The following CACNB4 variants were observed in gnomAD, a reference collection of about 807,000 sequenced individuals.
CACNB4 encodes voltage-dependent L-type calcium channel subunit beta-4.
Under a neutral mutation model 71.2 loss-of-function variants are expected in CACNB4, and 32 were observed. The observed-to-expected ratio is 0.45, with a 90% confidence interval of 0.34 to 0.60. The LOEUF is 0.60. Ranked by LOEUF, CACNB4 falls within the 20% of genes least tolerant of loss-of-function variation. The pLI, the probability that CACNB4 is intolerant of heterozygous loss-of-function variation, is 0.01. For synonymous variants in CACNB4, 231 were observed against 236.9 expected (o/e 0.97, Z 0.23); for missense variants, 464 against 647.9 (o/e 0.72, Z 3.08).
At chr2:152,030,081 G>A (rs1198835723) in intron 2 of CACNB4, among the ~76,000 whole-genome samples, 1 of 151,920 alleles carries the variant, frequency 6.6e-6, no homozygotes, top group Non-Finnish European at 1.5e-5. Context: ...TTTTCTTTTT[G>A]AGGCAATTGT....
In CACNB4 at chr2:152,098,314, C is replaced by A; in HGVS notation, c.147+16G>T. The A allele has an allele frequency of 6.2e-7, 1 of 1,606,776 alleles. No individual in the cohort carries two copies. Among genetic ancestry groups the A allele is most frequent in the Non-Finnish European group, 8.5e-7 (1 of 1,173,466 alleles). On this transcript the variant is annotated intron_variant, in intron 2 of 13. Coordinates refer to ENST00000539935, the MANE Select transcript of CACNB4 (RefSeq NM_000726.5). The surrounding 1 kb of genome is among the most constrained non-coding windows in gnomAD (Gnocchi z 5.3). Reference sequence around the variant, plus strand: ...CGGCCTCCTCCCCATCCTGGTCTCCCGCCTCCTTCTCATACCTGTCTGAGG... The same window carrying A: ...CGGCCTCCTCCCCATCCTGGTCTCCAGCCTCCTTCTCATACCTGTCTGAGG...
intron 2 of CACNB4, among the ~76,000 whole-genome samples, chr2:152,035,484 C>T (rs560496358): frequency 4.3e-4 from 66 of 152,202 alleles, no homozygotes; most frequent in Non-Finnish European, 1.2e-4. Flanking sequence ...CGCTTGAACC[C>T]GGGAGGCGGA....
At chr2:151,876,044 C>T (rs191846013) in intron 5 of CACNB4, among the ~76,000 whole-genome samples, 59 of 151,960 alleles carry the variant, frequency 3.9e-4, no homozygotes, top group African/African-American at 1.2e-3. Flanking sequence ...CCAGTAGGGG[C>T]GATACCATCA....
intron 2 of CACNB4, among the ~76,000 whole-genome samples, chr2:151,888,698 G>A (rs2099849984): frequency 6.6e-6 from 1 of 152,230 alleles, no homozygotes; most frequent in East Asian, 1.9e-4. Context: ...ACAGAACGCT[G>A]AGCATCAGTC....
At chr2:151,853,424 A>T in intron 12 of CACNB4, 24 bp downstream of exon 12, 1 of 1,447,062 alleles carries the variant, frequency 6.9e-7, no homozygotes, top group Non-Finnish European at 9.5e-7. Flanking sequence ...AAGAATGATG[A>T]AGACAAAAAA....
At chr2:152,024,911 C>T (rs2105147922) in intron 2 of CACNB4, among the ~76,000 whole-genome samples, 2 of 152,266 alleles carry the variant, frequency 1.3e-5, no homozygotes, top group African/African-American at 4.8e-5. Context: ...CAAAAATTAG[C>T]CAGGCGTGGT....
rs933134886 is a variant in CACNB4, at chr2:152,071,052, C to T, written c.147+27278G>A. 1.7e-4 allele frequency among the ~76,000 whole-genome samples: 26 copies of T among 152,372 alleles called. No homozygotes were observed. The East Asian group carries it at 2.7e-3, about 16-fold the overall frequency. ...GAGTGCTGAGATTACAGGCGTGAGCCACTGCACTCAGCCAACTTATATTCA... is the reference window on the plus strand; with the variant it reads ...GAGTGCTGAGATTACAGGCGTGAGCTACTGCACTCAGCCAACTTATATTCA... On this transcript the variant is annotated intron_variant, in intron 2 of 13. Transcript: ENST00000539935.
intron 2 of CACNB4, among the ~76,000 whole-genome samples, chr2:151,942,401 C>T (rs1007422659): frequency 6.7e-6 from 1 of 149,240 alleles, no homozygotes; most frequent in African/African-American, 2.6e-5. Flanking sequence ...TGAGGATGTA[C>T]ATCACCTCAG....
At chr2:151,940,628 T>A (rs994215744) in intron 2 of CACNB4, among the ~76,000 whole-genome samples, 32 of 152,198 alleles carry the variant, frequency 2.1e-4, no homozygotes, top group African/African-American at 7.7e-4. Flanking sequence ...ATTTATCCTA[T>A]CGGAACTTCA....
intron 12 of CACNB4, among the ~76,000 whole-genome samples, chr2:151,847,472 C>A (rs930535825): frequency 1.3e-5 from 2 of 152,314 alleles, no homozygotes; most frequent in East Asian, 3.9e-4. Context: ...TAAAAATAAT[C>A]AACCCAATGG....
intron 2 of CACNB4, among the ~76,000 whole-genome samples, chr2:151,941,572 G>T (rs773803324): frequency 6.6e-6 from 1 of 151,284 alleles, no homozygotes; most frequent in African/African-American, 2.4e-5. Flanking sequence ...ATGAGCCACC[G>T]TGCCCAACTT....
At chr2:151,966,319 A>G (rs1329296218) in intron 2 of CACNB4, among the ~76,000 whole-genome samples, 1 of 151,908 alleles carries the variant, frequency 6.6e-6, no homozygotes, top group African/African-American at 2.4e-5. Flanking sequence ...TGCTTTTGTC[A>G]CCCAGGCTGG....
rs542568459 is a variant in CACNB4 at position 151,839,205 on chromosome 2, G to A, written c.1477C>T (p.Pro493Ser). Residue 493 changes from proline to serine, a missense_variant, in exon 14 of 14, where the codon CCT becomes TCT. By Grantham distance (74) the Pro-to-Ser change is moderately conservative. This residue lies in a region of CACNB4 where 115 missense variants were observed against 128.8 expected (regional missense o/e 0.89). Coordinates refer to ENST00000539935, the MANE Select transcript of CACNB4 (RefSeq NM_000726.5). ...DHYPLVEEDYPDSYQDTYKPH... is the reference protein window; with the variant it reads ...DHYPLVEEDYSDSYQDTYKPH... ...TTGTAAGTGTCCTGGTATGAGTCAG[G>A]GTAATCTTCTTCCACAAGAGGGTAA... 1.3e-5 allele frequency: 21 copies of A among 1,613,542 alleles called. No homozygotes were observed. In the South Asian group the frequency reaches 1.9e-4, roughly 14 times the overall value.
Position 151,870,872 on chromosome 2 carries a change from A to G in CACNB4, c.599-11T>C, listed in dbSNP as rs1198464513. 2.5e-6 allele frequency: 4 copies of G among 1,594,210 alleles called. No homozygotes were observed. Among genetic ancestry groups the G allele is most frequent in the Middle Eastern group, 1.7e-4 (1 of 6,032 alleles). ...TTTGCTTCTGTTTTGCTAAAAGACA[A>G]TAACGAGAGCCATATCAAAATATGT... On this transcript the variant is annotated splice_polypyrimidine_tract_variant and intron_variant, in intron 6 of 13. Transcript: ENST00000539935.
chr2:151,860,684 A>G (rs770083397), intron 10 of CACNB4, 27 bp downstream of exon 10: 1 of 1,448,544 alleles, frequency 6.9e-7, no homozygotes, highest in South Asian at 1.1e-5. Context: ...GCACAGCTTG[A>G]AGAAGTACCA....
intron 2 of CACNB4, among the ~76,000 whole-genome samples, chr2:151,957,750 T>C (rs1347090957): frequency 6.6e-6 from 1 of 152,132 alleles, no homozygotes; most frequent in Non-Finnish European, 1.5e-5. Context: ...GAAATATATA[T>C]ACTGTATCTA....
At chr2:151,846,214 C>A (rs974790908) in intron 12 of CACNB4, among the ~76,000 whole-genome samples, 1 of 152,134 alleles carries the variant, frequency 6.6e-6, no homozygotes, top group Non-Finnish European at 1.5e-5. Context: ...ACTATCACTG[C>A]TAAACCTTGA....
At chr2:151,941,275 ATTTTTTTT>A (rs11346045) in intron 2 of CACNB4, among the ~76,000 whole-genome samples, 1 of 112,302 alleles carries the variant, frequency 8.9e-6, no homozygotes, top group African/African-American at 3.5e-5. Flanking sequence ...AAAATGGTTA[ATTTTTTTT>A]TTTTTTTTTT....
intron 2 of CACNB4, among the ~76,000 whole-genome samples, chr2:151,997,450 C>T (rs1301476319): frequency 3.3e-5 from 5 of 151,984 alleles, no homozygotes; most frequent in African/African-American, 1.2e-4. Context: ...AGGAGAATGG[C>T]GTGAACCCAG....
Sources: gnomAD v4.1 joint callset for allele counts (sites outside exome capture counted in the v4.1 genomes callset) on GRCh38, gnomAD v4.1.1 for gene constraint, gnomAD v4.1.1 regional missense constraint, Gnocchi (gnomAD v3.1) non-coding constraint, MANE v1.5 for transcripts, NCBI Gene and HGNC (gene_info 2026-07-23, HGNC 2026-07-21) for gene names.